UBE4B: variants seen among roughly 807,000 people sequenced by gnomAD.
The protein encoded by UBE4B is ubiquitin conjugation factor E4 B.
UBE4B carries 27 observed loss-of-function variants against 148.1 expected under a neutral mutation model. The observed-to-expected ratio is 0.18, with a 90% CI of 0.13 to 0.25. The LOEUF is 0.25. Among genes scored for constraint, UBE4B ranks in the 10% least tolerant of loss-of-function variants. The pLI, the probability that UBE4B is intolerant of heterozygous loss-of-function variation, is 1.00. For missense variants in UBE4B, 1,170 were observed against 1,662.4 expected (o/e 0.70, Z 5.15); for synonymous variants, 596 against 619.3 (o/e 0.96, Z 0.56).
chr1:10,043,053 A>C (rs1051870704), intron 1 of UBE4B, among the ~76,000 whole-genome samples: 44 of 150,646 alleles, frequency 2.9e-4, no homozygotes, highest in African/African-American at 9.8e-4. Context: ...TCTGTCACTC[A>C]GGCTGGACTG....
At chr1:10,157,533 A>C (rs751070276) in intron 21 of UBE4B, among the ~76,000 whole-genome samples, 45 of 152,202 alleles carry the variant, frequency 3.0e-4, no homozygotes, top group Middle Eastern at 3.4e-3. Flanking sequence ...TAATCCCAGC[A>C]CTTTGGGAGG....
intron 21 of UBE4B, among the ~76,000 whole-genome samples, chr1:10,155,240 A>G (rs571602739): frequency 1.9e-4 from 29 of 152,232 alleles, no homozygotes; most frequent in Admixed American, 1.8e-3. Context: ...CCTCTTTGCC[A>G]TGTGTGCCCT....
intron 2 of UBE4B, among the ~76,000 whole-genome samples, chr1:10,078,621 T>C (rs776029164): frequency 2.6e-5 from 4 of 152,222 alleles, no homozygotes; most frequent in Non-Finnish European, 4.4e-5. Context: ...GTCTTCTCTT[T>C]GATGTTTGCC....
chr1:10,152,963 C>T (rs1480029106), intron 21 of UBE4B, among the ~76,000 whole-genome samples: 2 of 149,438 alleles, frequency 1.3e-5, no homozygotes, highest in Non-Finnish European at 3.0e-5. Context: ...TGTGGAAGGC[C>T]CTTGGCCAGT....
At chr1:10,089,974 C>T (rs1302333248) in intron 2 of UBE4B, among the ~76,000 whole-genome samples, 2 of 152,130 alleles carry the variant, frequency 1.3e-5, no homozygotes, top group East Asian at 1.9e-4. Context: ...GGATTACAGG[C>T]ATGAGCCACC....
chr1:10,101,709 C>A (rs1024152397), intron 4 of UBE4B, among the ~76,000 whole-genome samples: 1 of 151,926 alleles, frequency 6.6e-6, no homozygotes, highest in Non-Finnish European at 1.5e-5. Context: ...GGGTTTTCAC[C>A]GTGTTAGCCA....
chr1:10,122,335 TGTAAGGCCCC>T (rs922003214), intron 10 of UBE4B, among the ~76,000 whole-genome samples: 32 of 152,262 alleles, frequency 2.1e-4, no homozygotes, highest in African/African-American at 7.7e-4. Context: ...GAAAAAAATA[TGTAAGGCCCC>T]GTTCCTGATT....
At chr1:10,087,229 G>A (rs561943863) in intron 2 of UBE4B, among the ~76,000 whole-genome samples, 6 of 152,290 alleles carry the variant, frequency 3.9e-5, no homozygotes, top group African/African-American at 1.4e-4. Flanking sequence ...AAAATATTAA[G>A]TAAGAAGACT....
rs1209304198 is a variant in UBE4B at position 10,180,268 on chromosome 1, A to G, written c.*312A>G. On this transcript the variant is annotated 3_prime_UTR_variant, in exon 28 of 28. Transcript: ENST00000343090. Reference sequence around the variant, plus strand: ...CAACGGAAGTCTTTTAGTGATGGCTAATGGGTCTGGGCAGCATCCCTTCAT... The same window carrying G: ...CAACGGAAGTCTTTTAGTGATGGCTGATGGGTCTGGGCAGCATCCCTTCAT... 5 of 406,488 alleles carry G rather than the reference A, an allele frequency of 1.2e-5. No homozygotes were observed. Among genetic ancestry groups the G allele is most frequent in the East Asian group, 4.7e-5 (1 of 21,220 alleles). 25.2% of individuals were successfully genotyped at this position (406,488 alleles called of 1,614,324 possible). A position where few individuals can be genotyped will look rare whatever the true frequency, so the allele number is the denominator to read the frequency against.
intron 1 of UBE4B, among the ~76,000 whole-genome samples, chr1:10,048,555 A>G (rs1223356571): frequency 1.3e-5 from 2 of 152,182 alleles, no homozygotes; most frequent in Non-Finnish European, 2.9e-5. Context: ...ACTGATAAGG[A>G]ACAGCCACTG....
chr1:10,052,089 C>T (rs571384719), intron 1 of UBE4B, among the ~76,000 whole-genome samples: 30 of 148,330 alleles, frequency 2.0e-4, no homozygotes, highest in Non-Finnish European at 3.4e-4. Context: ...TTTTTTGAGA[C>T]GGGGTCTTGC....
intron 11 of UBE4B, 68 bp from the exon 12 acceptor site, chr1:10,129,324 T>A: frequency 6.8e-7 from 1 of 1,476,972 alleles, no homozygotes. Context: ...TAAAACTGTT[T>A]CTTTATGCTA....
At chr1:10,174,722 A>T (rs1646391717) in intron 25 of UBE4B, among the ~76,000 whole-genome samples, 1 of 144,230 alleles carries the variant, frequency 6.9e-6, no homozygotes, top group African/African-American at 2.7e-5. Context: ...AAAAAAAAAA[A>T]GTGTTTTTGC....
intron 4 of UBE4B, among the ~76,000 whole-genome samples, chr1:10,102,495 C>T (rs1033699121): frequency 6.9e-6 from 1 of 144,744 alleles, no homozygotes; most frequent in African/African-American, 2.6e-5. Context: ...ACCACAACCT[C>T]CGCCTCCTGG....
rs1646158826 is a variant in UBE4B, at chr1:10,161,410, C to G, written c.3198+124C>G. 8.6e-7 allele frequency: 1 copy of G among 1,165,530 alleles called. No individual in the cohort carries two copies. The highest frequency in any genetic ancestry group is 1.2e-6 in the Non-Finnish European group (1 of 861,886). 72.2% of individuals were successfully genotyped at this position (1,165,530 alleles called of 1,614,324 possible). ...TGCGATCTGACATGCTGGGATTTTCCTTCCATGAAATCATATTGCAGGATT... is the reference window on the plus strand; with the variant it reads ...TGCGATCTGACATGCTGGGATTTTCGTTCCATGAAATCATATTGCAGGATT... On this transcript the variant is annotated intron_variant, in intron 23 of 27. Coordinates refer to ENST00000343090, the MANE Select transcript of UBE4B (RefSeq NM_001105562.3). This position sits in a 1 kb window ranked among gnomAD's most constrained non-coding sequence, Gnocchi z 4.1.
Position 10,161,074 on chromosome 1 carries a change from C to T in UBE4B, c.3054-68C>T. ...CAGTCTGGGTGGAGGTGCTTGTTCC[C>T]TGGGATTTGCTGTGGCATTTTGCTT... On this transcript the variant is annotated intron_variant, in intron 22 of 27. Transcript: ENST00000343090. The surrounding 1 kb of genome is among the most constrained non-coding windows in gnomAD (Gnocchi z 4.1). The T allele has an allele frequency of 6.4e-7, 1 of 1,569,106 alleles. No individual in the cohort carries two copies. Among genetic ancestry groups the T allele is most frequent in the Non-Finnish European group, 8.7e-7 (1 of 1,150,874 alleles).
chr1:10,070,486 C>T (rs1337067382), intron 1 of UBE4B, among the ~76,000 whole-genome samples: 1 of 150,784 alleles, frequency 6.6e-6, no homozygotes, highest in Non-Finnish European at 1.5e-5. Flanking sequence ...TAGAATCTCA[C>T]TCCTGCCTCT....
intron 2 of UBE4B, among the ~76,000 whole-genome samples, chr1:10,094,457 G>T: frequency 1.4e-5 from 2 of 147,888 alleles, no homozygotes; most frequent in African/African-American, 2.5e-5. Context: ...TTTTTTAGAC[G>T]GAGTCTTGCT....
intron 10 of UBE4B, among the ~76,000 whole-genome samples, chr1:10,124,368 G>T (rs188818757): frequency 9.9e-5 from 15 of 152,184 alleles, no homozygotes; most frequent in African/African-American, 2.4e-4. Flanking sequence ...TGTCATGTTG[G>T]CCAGGCTGGT....
Sources: gnomAD v4.1 joint callset for allele counts (sites outside exome capture counted in the v4.1 genomes callset) on GRCh38, gnomAD v4.1.1 for gene constraint, Gnocchi (gnomAD v3.1) non-coding constraint, MANE v1.5 for transcripts, NCBI Gene and HGNC (gene_info 2026-07-23, HGNC 2026-07-21) for gene names.